The following PARD3 variants were observed in gnomAD, a reference collection of about 807,000 sequenced individuals.
PARD3 encodes par-3 family cell polarity regulator, also known as partitioning defective 3 homolog.
Under a neutral mutation model 155.4 loss-of-function variants are expected in PARD3, and 75 were observed. The ratio of observed to expected loss-of-function variants is 0.48; its 90% confidence interval spans 0.40 to 0.58. The LOEUF is 0.58. PARD3 is among the 20% of genes least tolerant of loss of function. The pLI, the probability that PARD3 is intolerant of heterozygous loss-of-function variation, is 0.00. For missense variants in PARD3, 1,642 were observed against 1,721.7 expected (o/e 0.95, Z 0.82); for synonymous variants, 576 against 610.5 (o/e 0.94, Z 0.83).
intron 4 of PARD3, among the ~76,000 whole-genome samples, chr10:34,461,668 C>T (rs11009795): frequency 0.29 from 43,455 of 151,912 alleles, 6,715 homozygotes; most frequent in East Asian, 0.43. Flanking sequence ...AATATTTTTT[C>T]AATGTATATA....
At chr10:34,129,700 C>CTTTTTTTTTTTTTTTTTTTT (rs1209547388) in intron 23 of PARD3, among the ~76,000 whole-genome samples, 3 of 82,986 alleles carry the variant, frequency 3.6e-5, no homozygotes, top group African/African-American at 1.4e-4. Flanking sequence ...TGTCAAGCCT[C>CTTTTTTTTTTTTTTTTTTTT]TTTTTTTTTT....
rs918479392 is a variant in PARD3 at position 34,395,860 on chromosome 10, A to G, written c.890+3470T>C. On this transcript the variant is annotated intron_variant, in intron 7 of 24. Coordinates refer to ENST00000374788, the MANE Select transcript of PARD3 (RefSeq NM_001184785.2). The stretch of plus-strand genomic sequence containing the variant: ...CTCCGTCTCAAAAAAAAAAAAAAAA[A>G]AAAAAAAGAAAAACATCATCATGGG... 9.9e-4 allele frequency among the ~76,000 whole-genome samples: 30 copies of G among 30,200 alleles called. 9 individuals carry two copies. The East Asian group carries it at 0.014, about 14-fold the overall frequency. The allele number at this position is 30,200 out of a possible 152,430, so 19.8% of individuals were successfully genotyped here.
At chr10:34,700,787 C>T (rs993941318) in intron 1 of PARD3, among the ~76,000 whole-genome samples, 3 of 152,134 alleles carry the variant, frequency 2.0e-5, no homozygotes, top group African/African-American at 7.2e-5. Flanking sequence ...GCCTGGCCGA[C>T]ATGATGAAAC....
intron 2 of PARD3, among the ~76,000 whole-genome samples, chr10:34,540,555 A>G (rs1208026460): frequency 2.0e-5 from 3 of 152,166 alleles, no homozygotes; most frequent in African/African-American, 7.2e-5. Flanking sequence ...TGGGCCCGGG[A>G]GACAGGAGAC....
At chr10:34,312,452 T>C (rs772095707) in intron 20 of PARD3, 531 of 1,502,732 alleles carry the variant, frequency 3.5e-4, no homozygotes, top group Non-Finnish European at 4.7e-4. Flanking sequence ...CTGTGTTTGT[T>C]CTTTTCTCAA....
At chr10:34,686,134 T>A (rs2093951303) in intron 2 of PARD3, among the ~76,000 whole-genome samples, 2 of 152,168 alleles carry the variant, frequency 1.3e-5, no homozygotes, top group South Asian at 4.1e-4. Context: ...TTGAATTCCT[T>A]AAGTGTGAAC....
chr10:34,256,941 C>T (rs1348903253), intron 22 of PARD3, among the ~76,000 whole-genome samples: 7 of 152,080 alleles, frequency 4.6e-5, no homozygotes, highest in African/African-American at 1.7e-4. Context: ...TTTCTATGTA[C>T]ACACCTGTTT....
intron 1 of PARD3, among the ~76,000 whole-genome samples, chr10:34,741,123 AACCT>A (rs1283618352): frequency 2.0e-5 from 3 of 151,964 alleles, no homozygotes; most frequent in Non-Finnish European, 4.4e-5. Context: ...TAAAATGCCA[AACCT>A]ACAAATTGCC....
chr10:34,720,768 G>A (rs946145056), intron 1 of PARD3, among the ~76,000 whole-genome samples: 1 of 151,712 alleles, frequency 6.6e-6, no homozygotes, highest in East Asian at 1.9e-4. Flanking sequence ...TTGCACTCCA[G>A]CCTGGGCAAC....
chr10:34,332,990 A>G (rs1225902046), intron 18 of PARD3, among the ~76,000 whole-genome samples: 3 of 152,178 alleles, frequency 2.0e-5, no homozygotes, highest in Non-Finnish European at 4.4e-5. Context: ...GGGCAGGGAT[A>G]TTTACCTTTA....
chr10:34,384,386 C>T (rs1402179201), intron 7 of PARD3, 132 bp from the exon 8 acceptor site: 1 of 850,122 alleles, frequency 1.2e-6, no homozygotes, highest in African/African-American at 1.7e-5. Context: ...ACTATTCATA[C>T]ATTTTTAAAT....
At chr10:34,309,913 A>C (rs929064560) in intron 20 of PARD3, among the ~76,000 whole-genome samples, 1 of 151,382 alleles carries the variant, frequency 6.6e-6, no homozygotes, top group African/African-American at 2.4e-5. Flanking sequence ...AAAAAAAAAA[A>C]ACTGCAAGCA....
chr10:34,696,161 C>T (rs575562352), intron 2 of PARD3, among the ~76,000 whole-genome samples, 157 bp downstream of exon 2: 27 of 152,036 alleles, frequency 1.8e-4, no homozygotes, highest in African/African-American at 6.5e-4. Flanking sequence ...AGTGAAGATT[C>T]ATGATACTTA....
intron 2 of PARD3, among the ~76,000 whole-genome samples, chr10:34,618,740 A>T (rs1403763866): frequency 1.3e-5 from 2 of 152,136 alleles, no homozygotes; most frequent in Non-Finnish European, 2.9e-5. Context: ...ATCTAAGATC[A>T]CACCACTTTC....
intron 1 of PARD3, among the ~76,000 whole-genome samples, chr10:34,809,671 C>CA (rs1329465584): frequency 6.6e-6 from 1 of 152,206 alleles, no homozygotes; most frequent in Non-Finnish European, 1.5e-5. Flanking sequence ...CCTACAGGGA[C>CA]AGGCTGTGCT....
intron 2 of PARD3, among the ~76,000 whole-genome samples, chr10:34,603,693 T>A (rs1006520607): frequency 1.3e-5 from 2 of 152,006 alleles, no homozygotes; most frequent in Non-Finnish European, 2.9e-5. Flanking sequence ...TCCCAACATA[T>A]TAGACAGGGA....
At chr10:34,312,391 G>A in intron 20 of PARD3, 2 of 1,612,552 alleles carry the variant, frequency 1.2e-6, no homozygotes, top group Non-Finnish European at 1.7e-6. Flanking sequence ...GGCTAAATGA[G>A]AGACACGGTA....
chr10:34,259,366 G>C (rs1954834928), intron 22 of PARD3, among the ~76,000 whole-genome samples: 1 of 152,136 alleles, frequency 6.6e-6, no homozygotes, highest in South Asian at 2.1e-4. Context: ...CCTTCCGGAG[G>C]CTCGAGGGGA....
At chr10:34,467,281 T>A (rs1193235036) in intron 4 of PARD3, among the ~76,000 whole-genome samples, 1 of 151,834 alleles carries the variant, frequency 6.6e-6, no homozygotes, top group East Asian at 1.9e-4. Flanking sequence ...CGAAAAATAA[T>A]GTTGAAATAA....
Sources: allele counts gnomAD v4.1 joint callset (sites outside exome capture counted in the v4.1 genomes callset), GRCh38; gene constraint gnomAD v4.1.1; transcripts MANE v1.5; gene names NCBI Gene and HGNC (gene_info 2026-07-23, HGNC 2026-07-21).